ELAPOR1: variants seen among roughly 807,000 people sequenced by gnomAD.
The protein encoded by ELAPOR1 is endosome-lysosome associated apoptosis and autophagy regulator 1.
ELAPOR1 carries 77 observed loss-of-function variants against 119.7 expected under a neutral mutation model. The observed-to-expected ratio is 0.64, with a 90% CI of 0.54 to 0.78. The LOEUF (loss-of-function observed/expected upper bound fraction) is 0.78, where lower values mean the gene tolerates loss of function less well. Among genes scored for constraint, ELAPOR1 ranks in the 30% least tolerant of loss-of-function variants. The pLI is 0.00. For synonymous variants in ELAPOR1, 481 were observed against 487.2 expected (o/e 0.99, Z 0.17); for missense variants, 1,115 against 1,270.4 (o/e 0.88, Z 1.86).
At chr1:109,199,295 G>A (rs1271271708) in intron 18 of ELAPOR1, among the ~76,000 whole-genome samples, 1 of 152,188 alleles carries the variant, frequency 6.6e-6, no homozygotes, top group Non-Finnish European at 1.5e-5. Flanking sequence ...CTAGCGTCTT[G>A]AGGAAGACGT....
chr1:109,196,741 G>A (rs1028317743), intron 15 of ELAPOR1, among the ~76,000 whole-genome samples: 1 of 150,876 alleles, frequency 6.6e-6, no homozygotes, highest in Non-Finnish European at 1.5e-5. Flanking sequence ...AGAGTGCAGT[G>A]GCACGATCTC....
At position 109,185,144 on chromosome 1, in the gene ELAPOR1, C is replaced by G. The variant is rs1652969478; in HGVS notation, c.1041+11C>G. On this transcript the variant is annotated intron_variant, in intron 8 of 21. Transcript: ENST00000369939. Reference sequence around the variant, plus strand: ...GATGCCAACGGAGAGGTGGGTAGTACAGTCTTGGAGCCCCTTAGCCCCAGA... The same window carrying G: ...GATGCCAACGGAGAGGTGGGTAGTAGAGTCTTGGAGCCCCTTAGCCCCAGA... 1 of 1,605,802 alleles carries G rather than the reference C, an allele frequency of 6.2e-7. No homozygotes were observed. The highest frequency in any genetic ancestry group is 1.3e-5 in the African/African-American group (1 of 74,734).
chr1:109,171,969 T>G lies in ELAPOR1; in HGVS notation c.571T>G (p.Phe191Val). 6.2e-7 allele frequency: 1 copy of G among 1,614,190 alleles called. No homozygotes were observed. Among genetic ancestry groups the G allele is most frequent in the South Asian group, 1.1e-5 (1 of 91,088 alleles). Residue 191 changes from phenylalanine to valine, a missense_variant, in exon 4 of 22, where the codon TTC becomes GTC. Physicochemically the swap from Phe to Val is conservative, Grantham distance 50. Transcript: ENST00000369939. Reference protein sequence around the residue: ...VNLKQSGTVNFEYYYPDSSII... With the variant: ...VNLKQSGTVNVEYYYPDSSII... ...CCTGAAGCAATCTGGCACCGTTAACTTCGAATACTACTATCCAGACTCCAG... is the reference window on the plus strand; with the variant it reads ...CCTGAAGCAATCTGGCACCGTTAACGTCGAATACTACTATCCAGACTCCAG...
chr1:109,140,790 T>C (rs1649779094), intron 1 of ELAPOR1, among the ~76,000 whole-genome samples: 1 of 152,208 alleles, frequency 6.6e-6, no homozygotes, highest in East Asian at 1.9e-4. Flanking sequence ...CCAGAATTTA[T>C]GAAATATTTT....
At chr1:109,170,215 T>C (rs75191712) in intron 3 of ELAPOR1, among the ~76,000 whole-genome samples, 2,170 of 152,162 alleles carry the variant, frequency 0.014, 51 homozygotes, top group African/African-American at 0.049. Context: ...TTCAGGAAAT[T>C]AGTCACTTGG....
rs1278010501 is a variant in ELAPOR1 at position 109,192,643 on chromosome 1, C to T, written c.1716C>T (p.Ile572=). 2 of 1,614,180 alleles carry T rather than the reference C, an allele frequency of 1.2e-6. No homozygotes were observed. Among genetic ancestry groups the T allele is most frequent in the Non-Finnish European group, 1.7e-6 (2 of 1,180,026 alleles). Reference sequence around the variant, plus strand: ...AGTACACCAATGACGTTGCCAAGATCTACTCCATCAATGTCACCAATGTTA... The same window carrying T: ...AGTACACCAATGACGTTGCCAAGATTTACTCCATCAATGTCACCAATGTTA... The part of the protein sequence containing the change: ...SRKYTNDVAK[I]YSINVTNVMN... Residue 572 remains isoleucine (I), a synonymous_variant, in exon 14 of 22, where the codon ATC becomes ATT. Transcript: ENST00000369939.
At chr1:109,198,485 G>A (rs1440694065) in intron 17 of ELAPOR1, 88 bp from the exon 18 acceptor site, 1 of 1,198,008 alleles carries the variant, frequency 8.3e-7, no homozygotes, top group African/African-American at 1.5e-5. Flanking sequence ...CCCAGCAAGG[G>A]AATTGCTCCA....
At chr1:109,149,969 T>C (rs1650429551) in intron 1 of ELAPOR1, among the ~76,000 whole-genome samples, 1 of 152,236 alleles carries the variant, frequency 6.6e-6, no homozygotes, top group Non-Finnish European at 1.5e-5. Context: ...GCCCCGAGCC[T>C]GGCACATGGA....
intron 7 of ELAPOR1, among the ~76,000 whole-genome samples, chr1:109,179,256 G>T (rs1558054733): frequency 6.6e-6 from 1 of 151,468 alleles, no homozygotes. Flanking sequence ...CAAAAAATTG[G>T]CCGGGCATGG....
At chr1:109,186,998 C>T (rs1018635271) in intron 8 of ELAPOR1, 19 of 985,470 alleles carry the variant, frequency 1.9e-5, no homozygotes, top group Non-Finnish European at 2.2e-5. Context: ...CATGAACATG[C>T]ATTCCCCAGC....
intron 1 of ELAPOR1, among the ~76,000 whole-genome samples, chr1:109,141,002 C>A (rs1301854006): frequency 6.6e-6 from 1 of 152,062 alleles, no homozygotes; most frequent in Non-Finnish European, 1.5e-5. Flanking sequence ...CAGGCATGCA[C>A]CACCACATCC....
chr1:109,177,506 G>T (rs1329942390), intron 7 of ELAPOR1, among the ~76,000 whole-genome samples: 1 of 112,914 alleles, frequency 8.9e-6, no homozygotes, highest in Non-Finnish European at 1.8e-5. Flanking sequence ...GATGGCGGCC[G>T]GGAAGAGGCG....
chr1:109,116,650 C>T (rs1025662586), intron 1 of ELAPOR1, among the ~76,000 whole-genome samples: 2 of 150,338 alleles, frequency 1.3e-5, no homozygotes, highest in Non-Finnish European at 3.0e-5. Flanking sequence ...GGTGAAAAAC[C>T]AATTCAAGGT....
intron 1 of ELAPOR1, among the ~76,000 whole-genome samples, chr1:109,128,893 C>A (rs1039967272): frequency 6.6e-6 from 1 of 152,140 alleles, no homozygotes; most frequent in Non-Finnish European, 1.5e-5. Flanking sequence ...CCATAGAGTG[C>A]CATTTCCCAG....
chr1:109,182,575 A>G (rs965374286), intron 7 of ELAPOR1, among the ~76,000 whole-genome samples: 7 of 151,998 alleles, frequency 4.6e-5, no homozygotes, highest in Admixed American at 3.9e-4. Flanking sequence ...CTAGCTTAAA[A>G]TCTCATTCCA....
At chr1:109,123,431 T>C (rs543304677) in intron 1 of ELAPOR1, among the ~76,000 whole-genome samples, 3 of 152,196 alleles carry the variant, frequency 2.0e-5, no homozygotes, top group Non-Finnish European at 1.5e-5. Context: ...AGACGACATA[T>C]GAATATTTTT....
chr1:109,145,566 G>A (rs1222115486), intron 1 of ELAPOR1, among the ~76,000 whole-genome samples: 1 of 152,140 alleles, frequency 6.6e-6, no homozygotes, highest in Non-Finnish European at 1.5e-5. Context: ...TGAGGCAGGA[G>A]AATCACTTGA....
chr1:109,186,908 A>G (rs1314594813), intron 8 of ELAPOR1: 2 of 985,514 alleles, frequency 2.0e-6, no homozygotes, highest in East Asian at 2.3e-4. Context: ...GGTCAGACCA[A>G]AGCCTGTGTT....
In ELAPOR1 at chr1:109,164,611, G is replaced by A. The variant is rs771308406; in HGVS notation, c.387G>A (p.Glu129=). 3 of 1,614,148 alleles carry A rather than the reference G, an allele frequency of 1.9e-6. No individual in the cohort carries two copies. The highest frequency in any genetic ancestry group is 2.5e-6 in the Non-Finnish European group (3 of 1,180,054). The change falls in exon 3 of 22, where the codon GAG becomes GAA. Residue 129 remains glutamate (E), a synonymous_variant. Coordinates refer to ENST00000369939, the MANE Select transcript of ELAPOR1 (RefSeq NM_020775.5). ...GTGIRFDEWD[E]LPHGFASLSA... is the part of the protein sequence containing the mutation. ...GCATTCGGTTTGATGAGTGGGATGAGCTGCCCCATGGCTTTGCCAGCCTCT... is the reference window on the plus strand; with the variant it reads ...GCATTCGGTTTGATGAGTGGGATGAACTGCCCCATGGCTTTGCCAGCCTCT...
Sources: gnomAD v4.1 joint callset for allele counts (sites outside exome capture counted in the v4.1 genomes callset) on GRCh38, gnomAD v4.1.1 for gene constraint, MANE v1.5 for transcripts, NCBI Gene and HGNC (gene_info 2026-07-23, HGNC 2026-07-21) for gene names.